Variants in TPO observed in about 807,000 individuals in gnomAD.
TPO encodes thyroid microsomal antigen.
In TPO, 78 loss-of-function variants were observed where a neutral mutation model predicts 96.9. That is an observed-to-expected ratio of 0.81 (90% CI 0.67 to 0.97). The LOEUF (loss-of-function observed/expected upper bound fraction) is 0.97, where lower values mean the gene tolerates loss of function less well. Among genes scored for constraint, TPO ranks in the 50% least tolerant of loss-of-function variants. The pLI, the probability that TPO is intolerant of heterozygous loss-of-function variation, is 0.00. For missense variants in TPO, 1,252 were observed against 1,274.8 expected, an observed-to-expected ratio of 0.98 and a Z score of 0.27; for synonymous variants, 547 against 538.0, an observed-to-expected ratio of 1.02 and a Z score of -0.23.
intron 8 of TPO, 30 bp downstream of exon 8, chr2:1,477,634 T>A: frequency 1.4e-6 from 2 of 1,465,280 alleles, no homozygotes; most frequent in Non-Finnish European, 1.8e-6. Flanking sequence ...GCGCCCTGGG[T>A]GGCTGCGGGC....
intron 15 of TPO, among the ~76,000 whole-genome samples, chr2:1,532,948 C>T (rs1678657256): frequency 8.3e-6 from 1 of 120,070 alleles, no homozygotes. Flanking sequence ...TGTGCAACCT[C>T]CTCAAATCCC....
chr2:1,376,872 C>T (rs1661729139), intron 1 of TPO, among the ~76,000 whole-genome samples: 1 of 152,112 alleles, frequency 6.6e-6, no homozygotes, highest in Admixed American at 6.5e-5. Flanking sequence ...ATTCATATAT[C>T]TAAAAAAAGT....
At chr2:1,530,332 T>A (rs1368842992) in intron 15 of TPO, among the ~76,000 whole-genome samples, 1 of 121,370 alleles carries the variant, frequency 8.2e-6, no homozygotes, top group Admixed American at 8.9e-5. Context: ...GTGAGAAACC[T>A]CCTCAAATCC....
At chr2:1,528,395 C>T (rs1470764924) in intron 15 of TPO, among the ~76,000 whole-genome samples, 1 of 136,394 alleles carries the variant, frequency 7.3e-6, no homozygotes, top group East Asian at 2.8e-4. Context: ...CCACTGTGTG[C>T]AACCTCCTCA....
intron 1 of TPO, among the ~76,000 whole-genome samples, chr2:1,400,620 T>TAAA (rs1357463798): frequency 1.6e-5 from 1 of 63,076 alleles, no homozygotes; most frequent in African/African-American, 7.3e-5. Context: ...TACATGCGTC[T>TAAA]CAAAAAAAAA....
intron 5 of TPO, among the ~76,000 whole-genome samples, chr2:1,441,556 C>T (rs1215764713): frequency 1.3e-5 from 2 of 152,132 alleles, no homozygotes; most frequent in Admixed American, 6.5e-5. Context: ...CTTTCTGTTT[C>T]TGTTACCAAC....
At chr2:1,503,136 T>C (rs1673041004) in intron 13 of TPO, among the ~76,000 whole-genome samples, 1 of 152,162 alleles carries the variant, frequency 6.6e-6, no homozygotes, top group Non-Finnish European at 1.5e-5. Context: ...CCTCTCCCAG[T>C]GCTTTTGCTC....
chr2:1,453,918 G>T, intron 6 of TPO, 95 bp downstream of exon 6: 1 of 1,555,602 alleles, frequency 6.4e-7, no homozygotes, highest in Non-Finnish European at 8.8e-7. Flanking sequence ...GCTCGTGCTG[G>T]GTGCTGCGTG....
chr2:1,415,478 C>T (rs1171841746), intron 2 of TPO, among the ~76,000 whole-genome samples: 3 of 146,432 alleles, frequency 2.0e-5, no homozygotes, highest in African/African-American at 7.6e-5. Context: ...GCAGGTGACA[C>T]CTCGCTGGGC....
At chr2:1,462,320 C>G (rs1279225326) in intron 7 of TPO, among the ~76,000 whole-genome samples, 1 of 152,078 alleles carries the variant, frequency 6.6e-6, no homozygotes, top group African/African-American at 2.4e-5. Context: ...GCTAAGGTCC[C>G]TGGACACAAA....
chr2:1,496,454 G>A, intron 12 of TPO, 141 bp from the exon 13 acceptor site: 2 of 1,228,302 alleles, frequency 1.6e-6, no homozygotes, highest in Non-Finnish European at 2.3e-6. Context: ...CTGCGTGGGT[G>A]CTCAGTGAGT....
At chr2:1,418,329 A>T (rs1463843760) in intron 2 of TPO, among the ~76,000 whole-genome samples, 3 of 151,866 alleles carry the variant, frequency 2.0e-5, no homozygotes, top group Non-Finnish European at 4.4e-5. Flanking sequence ...GAAAAGCATC[A>T]GTCCTGGATA....
At chr2:1,439,502 C>T (rs1019900459) in intron 5 of TPO, 1 of 152,168 alleles carries the variant, frequency 6.6e-6, no homozygotes, top group African/African-American at 2.4e-5. Flanking sequence ...TGCCAAAGCC[C>T]ACCAAGACCA....
At chr2:1,465,056 C>T (rs1668772627) in intron 7 of TPO, among the ~76,000 whole-genome samples, 1 of 152,058 alleles carries the variant, frequency 6.6e-6, no homozygotes, top group South Asian at 2.1e-4. Flanking sequence ...GTCCTTGATC[C>T]ATCTTGAGTT....
At chr2:1,425,600 T>C (rs1664283391) in intron 3 of TPO, among the ~76,000 whole-genome samples, 1 of 152,344 alleles carries the variant, frequency 6.6e-6, no homozygotes, top group South Asian at 2.1e-4. Flanking sequence ...GTCATTGTTC[T>C]AGATGCCAGG....
At chr2:1,375,212 G>A (rs535994397) in intron 1 of TPO, among the ~76,000 whole-genome samples, 8 of 151,520 alleles carry the variant, frequency 5.3e-5, no homozygotes, top group East Asian at 3.9e-4. Context: ...TTAGGCAGAC[G>A]ATAGGAGAGA....
rs112270198 is a variant in TPO at position 1,440,127 on chromosome 2, A to G, written c.482+3743A>G. Among the ~76,000 whole-genome samples, 1,451 of 150,744 alleles carry G rather than the reference A, an allele frequency of 9.6e-3. 15 individuals carry two copies. The highest frequency in any genetic ancestry group is 0.034 in the African/African-American group (1,361 of 40,524). On this transcript the variant is annotated intron_variant, in intron 5 of 16. Transcript: ENST00000329066. ...CTGTGCTGCGTTTCCAATGTGCTAC[A>G]TTTCCACTGTGCTGCGTTTCCAATG...
Position 1,489,241 on chromosome 2 carries a change from T to C in TPO, c.1768+1250T>C, listed in dbSNP as rs1176036241. On this transcript the variant is annotated intron_variant, in intron 10 of 16. Transcript: ENST00000329066. ...CACACGCCTGCACATGCCCAGCACA[T>C]GCCTAGCACATACCCAGCACACACC... Among the ~76,000 whole-genome samples, 8 of 145,374 alleles carry C rather than the reference T, an allele frequency of 5.5e-5. No homozygotes were observed. In the South Asian group the frequency reaches 6.7e-4, roughly 12 times the overall value.
intron 15 of TPO, among the ~76,000 whole-genome samples, chr2:1,534,756 C>G (rs561816677): frequency 8.7e-5 from 13 of 149,208 alleles, no homozygotes; most frequent in Non-Finnish European, 1.6e-4. Context: ...CAAATCTCCC[C>G]CACTGTGTGC....
Sources: gnomAD v4.1 joint callset for allele counts (sites outside exome capture counted in the v4.1 genomes callset) on GRCh38, gnomAD v4.1.1 for gene constraint, MANE v1.5 for transcripts, NCBI Gene and HGNC (gene_info 2026-07-23, HGNC 2026-07-21) for gene names.